EML1: variants seen among roughly 807,000 people sequenced by gnomAD.
EML1 encodes EMAP like 1.
A neutral mutation model predicts 110.4 loss-of-function variants in EML1; 27 were observed. That is an observed-to-expected ratio of 0.24 (90% CI 0.18 to 0.34). The LOEUF (loss-of-function observed/expected upper bound fraction) is 0.34, where lower values mean the gene tolerates loss of function less well. Among genes scored for constraint, EML1 ranks in the 10% least tolerant of loss-of-function variants. The pLI is 1.00. For missense variants in EML1, 741 were observed against 1,030.9 expected (o/e 0.72, Z 3.85); for synonymous variants, 344 against 385.8 (o/e 0.89, Z 1.27).
chr14:99,797,156 G>A (rs2057791889), intron 1 of EML1, among the ~76,000 whole-genome samples: 1 of 152,044 alleles, frequency 6.6e-6, no homozygotes. Context: ...TCTACTTTCT[G>A]TCTTTATAGA....
intron 10 of EML1, among the ~76,000 whole-genome samples, chr14:99,908,252 T>C (rs1054383513): frequency 1.3e-5 from 2 of 152,234 alleles, no homozygotes; most frequent in Non-Finnish European, 2.9e-5. Context: ...GGATTCCTCC[T>C]GCGAGGGGCC....
intron 16 of EML1, among the ~76,000 whole-genome samples, chr14:99,918,756 A>G (rs1262668456): frequency 6.6e-6 from 1 of 152,180 alleles, no homozygotes; most frequent in Non-Finnish European, 1.5e-5. Flanking sequence ...TCGAGGCTGC[A>G]TCGCACTATG....
At chr14:99,869,930 G>C (rs1027689092) in intron 3 of EML1, among the ~76,000 whole-genome samples, 1 of 152,146 alleles carries the variant, frequency 6.6e-6, no homozygotes, top group African/African-American at 2.4e-5. Context: ...AGCAAATGCC[G>C]GTGCCATGCT....
chr14:99,789,062 G>A (rs1004118174), upstream of EML1, among the ~76,000 whole-genome samples: 11 of 151,992 alleles, frequency 7.2e-5, no homozygotes. Flanking sequence ...TTCATCCATC[G>A]GTAGATACTC....
At chr14:99,752,537 C>T (rs771739413) in intron 1 of EML1, among the ~76,000 whole-genome samples, 6 of 152,256 alleles carry the variant, frequency 3.9e-5, no homozygotes, top group Non-Finnish European at 7.3e-5. Flanking sequence ...GTGTCCTGGT[C>T]CCCTGGGTGC....
chr14:99,928,174 A>T (rs74354701), intron 17 of EML1, among the ~76,000 whole-genome samples: 43 of 362 alleles, frequency 0.12, 1 homozygote, highest in African/African-American at 0.21. Context: ...GTGGTGGTGG[A>T]GGTGGTGGTG....
At chr14:99,844,546 CT>C (rs1566894231) in intron 1 of EML1, among the ~76,000 whole-genome samples, 1 of 151,348 alleles carries the variant, frequency 6.6e-6, no homozygotes, top group African/African-American at 2.4e-5. Context: ...CATAAAATTA[CT>C]TTATTTTATA....
chr14:99,938,581 C>T (rs193106540), intron 20 of EML1, among the ~76,000 whole-genome samples: 7 of 152,086 alleles, frequency 4.6e-5, no homozygotes, highest in Admixed American at 3.9e-4. Flanking sequence ...ATTCTCCAGG[C>T]CCACCTGGGC....
intron 1 of EML1, among the ~76,000 whole-genome samples, chr14:99,839,804 G>A (rs1454502888): frequency 6.6e-6 from 1 of 152,224 alleles, no homozygotes; most frequent in Admixed American, 6.5e-5. Context: ...ATGAAGTGAT[G>A]AACGTCAGAG....
intron 1 of EML1, among the ~76,000 whole-genome samples, chr14:99,819,037 T>C (rs184846721): frequency 1.3e-5 from 2 of 152,288 alleles, no homozygotes; most frequent in Non-Finnish European, 2.9e-5. Context: ...TACTGCAGCC[T>C]TGAGAAACTC....
intron 1 of EML1, among the ~76,000 whole-genome samples, chr14:99,740,630 A>C (rs959634950): frequency 3.9e-5 from 6 of 152,206 alleles, no homozygotes; most frequent in African/African-American, 1.4e-4. Flanking sequence ...ACTCTCCTGC[A>C]TCAAGTACCG....
At chr14:99,817,613 A>G (rs2058190768) in intron 1 of EML1, among the ~76,000 whole-genome samples, 1 of 152,186 alleles carries the variant, frequency 6.6e-6, no homozygotes, top group Non-Finnish European at 1.5e-5. Context: ...AAGGGGTCTC[A>G]GGGACTCAGG....
rs528613417 is a variant in EML1 at position 99,809,920 on chromosome 14, C to A, written c.67+16377C>A. Among the ~76,000 whole-genome samples the A allele has an allele frequency of 2.6e-5, 4 of 152,282 alleles. No individual in the cohort carries two copies. In the East Asian group the frequency reaches 7.7e-4, roughly 29 times the overall value. On this transcript the variant is annotated intron_variant, in intron 1 of 21. Transcript: ENST00000262233. ...TGGACTTCCGTTTTAAAGTCTGAAT[C>A]TGAGTTCAAAAACATTTCAGGCCCC...
chr14:99,798,222 A>C (rs1298517824), intron 1 of EML1, among the ~76,000 whole-genome samples: 1 of 152,098 alleles, frequency 6.6e-6, no homozygotes. Flanking sequence ...TCTAGCTCTT[A>C]AGACGTAATT....
upstream of EML1, among the ~76,000 whole-genome samples, chr14:99,789,075 G>A (rs1056320020): frequency 6.6e-6 from 1 of 152,166 alleles, no homozygotes; most frequent in Middle Eastern, 3.4e-3. Context: ...AGATACTCAG[G>A]TTGCTCCCAC....
intron 1 of EML1, among the ~76,000 whole-genome samples, chr14:99,783,791 G>T (rs1358909776): frequency 6.6e-6 from 1 of 152,172 alleles, no homozygotes; most frequent in Non-Finnish European, 1.5e-5. Context: ...CCCCAAAGGG[G>T]TACTATTAAT....
At chr14:99,861,856 G>T (rs1045864986) in intron 2 of EML1, among the ~76,000 whole-genome samples, 3 of 152,120 alleles carry the variant, frequency 2.0e-5, no homozygotes, top group South Asian at 2.1e-4. Flanking sequence ...AGCACAGAAG[G>T]TTCCCATAGA....
rs1203757560 is a variant in EML1, at chr14:99,940,269, G to C, written c.*157G>C. 2.9e-6 allele frequency: 3 copies of C among 1,022,100 alleles called. No homozygotes were observed. 63.3% of individuals were successfully genotyped at this position (1,022,100 alleles called of 1,614,324 possible). On this transcript the variant is annotated 3_prime_UTR_variant, in exon 22 of 22. Transcript: ENST00000262233. Reference sequence around the variant, plus strand: ...ACCTTAGCTTAGCGTGTCAGCGGGCGCCACAGCGGATCAGCGGTTCCGTGT... The same window carrying C: ...ACCTTAGCTTAGCGTGTCAGCGGGCCCCACAGCGGATCAGCGGTTCCGTGT...
chr14:99,843,136 T>G (rs1282592675), intron 1 of EML1, among the ~76,000 whole-genome samples: 1 of 152,118 alleles, frequency 6.6e-6, no homozygotes. Context: ...CATCTGTACT[T>G]CCAACTACTC....
Sources: gnomAD v4.1 joint callset for allele counts (sites outside exome capture counted in the v4.1 genomes callset) on GRCh38, gnomAD v4.1.1 for gene constraint, MANE v1.5 for transcripts, NCBI Gene and HGNC (gene_info 2026-07-23, HGNC 2026-07-21) for gene names.